The following PCDH7 variants were observed in gnomAD, a reference collection of about 807,000 sequenced individuals.
PCDH7 encodes the protein protocadherin-7.
Under a neutral mutation model 58.9 loss-of-function variants are expected in PCDH7, and 17 were observed. The observed-to-expected ratio is 0.29, with a 90% CI of 0.20 to 0.43. PCDH7 has a LOEUF of 0.43. Among genes scored for constraint, PCDH7 ranks in the 20% least tolerant of loss-of-function variants. PCDH7 has a pLI of 1.00. For missense variants in PCDH7, 1,274 were observed against 1,441.0 expected (o/e 0.88, Z 1.88); for synonymous variants, 664 against 616.4 (o/e 1.08, Z -1.14).
intron 1 of PCDH7, among the ~76,000 whole-genome samples, chr4:30,834,522 C>T (rs1560418169): frequency 6.6e-6 from 1 of 152,076 alleles, no homozygotes; most frequent in African/African-American, 2.4e-5. Flanking sequence ...GAGATAATGT[C>T]TTCTTAAATG....
intron 1 of PCDH7, among the ~76,000 whole-genome samples, chr4:30,824,091 CTTTCTTTCTT>C (rs1553894864): frequency 1.9e-5 from 1 of 52,964 alleles, no homozygotes; most frequent in Non-Finnish European, 3.7e-5. Context: ...TTCTTTCTTT[CTTTCTTTCTT>C]TCTTTCTTTC....
In PCDH7 at chr4:30,968,088, A is replaced by T. The variant is rs148965275; in HGVS notation, c.*7+17873A>T. Among the ~76,000 whole-genome samples the T allele has an allele frequency of 9.0e-3, 1,365 of 151,798 alleles. 21 individuals carry two copies. Among genetic ancestry groups the T allele is most frequent in the African/African-American group, 0.031 (1,302 of 41,350 alleles). On this transcript the variant is annotated intron_variant, in intron 3 of 3. Coordinates refer to the PCDH7 transcript ENST00000509759. ...CATTAAAAATATATCCCTAAAAACT[A>T]GGTCATAAACACAAGGACACTATGT...
chr4:30,894,809 C>A (rs1420722243), intron 1 of PCDH7, among the ~76,000 whole-genome samples: 1 of 150,234 alleles, frequency 6.7e-6, no homozygotes, highest in East Asian at 2.0e-4. Flanking sequence ...GCCCCTTCTG[C>A]TTGATTGCTG....
At chr4:30,948,487 T>C (rs1397861153) in intron 2 of PCDH7, among the ~76,000 whole-genome samples, 2 of 152,142 alleles carry the variant, frequency 1.3e-5, no homozygotes, top group Non-Finnish European at 2.9e-5. Context: ...TTTTCAACTT[T>C]ATTTTACTGA....
Position 30,938,177 on chromosome 4 carries a change from T to C in PCDH7, c.288-11943T>C, listed in dbSNP as rs1231668263. Among the ~76,000 whole-genome samples the C allele has an allele frequency of 2.0e-5, 3 of 152,106 alleles. No homozygotes were observed. The East Asian group carries it at 5.8e-4, about 29-fold the overall frequency. ...TTTCATTTTAGCAGCTTGAGAAATATTGCTCCACATTATTGCTCAGACACA... is the reference window on the plus strand; with the variant it reads ...TTTCATTTTAGCAGCTTGAGAAATACTGCTCCACATTATTGCTCAGACACA... On this transcript the variant is annotated intron_variant, in intron 2 of 3. Transcript: ENST00000509759.
intron 3 of PCDH7, among the ~76,000 whole-genome samples, chr4:31,063,489 G>A (rs73812508): frequency 0.088 from 13,318 of 151,178 alleles, 690 homozygotes; most frequent in South Asian, 0.18. Flanking sequence ...AATAAATAAT[G>A]GTAATTATTA....
At chr4:30,934,024 C>G (rs776277753) in intron 2 of PCDH7, among the ~76,000 whole-genome samples, 3 of 152,188 alleles carry the variant, frequency 2.0e-5, no homozygotes, top group Admixed American at 6.5e-5. Context: ...GCTTACTGCC[C>G]TTTATTCAGT....
intron 2 of PCDH7, among the ~76,000 whole-genome samples, chr4:30,922,947 C>T (rs1743373310): frequency 6.6e-6 from 1 of 152,114 alleles, no homozygotes; most frequent in Admixed American, 6.6e-5. Context: ...CTGGTAATTT[C>T]ATCTTCAGTA....
chr4:30,856,911 A>G (rs958063293), intron 1 of PCDH7, among the ~76,000 whole-genome samples: 2 of 151,924 alleles, frequency 1.3e-5, no homozygotes, highest in African/African-American at 2.4e-5. Context: ...GAACCCTTCA[A>G]ATAATTTTGG....
chr4:30,802,551 C>G (rs1205609262), intron 1 of PCDH7, among the ~76,000 whole-genome samples: 5 of 151,440 alleles, frequency 3.3e-5, no homozygotes. Context: ...GTCAGATGGA[C>G]AAAAGAATAA....
At chr4:31,121,643 A>G (rs1244359165) in intron 3 of PCDH7, among the ~76,000 whole-genome samples, 1 of 152,174 alleles carries the variant, frequency 6.6e-6, no homozygotes, top group Non-Finnish European at 1.5e-5. Flanking sequence ...GTATGTATAG[A>G]TAAGCACTCC....
At chr4:30,941,198 C>G (rs1745999471) in intron 2 of PCDH7, among the ~76,000 whole-genome samples, 1 of 151,864 alleles carries the variant, frequency 6.6e-6, no homozygotes, top group African/African-American at 2.4e-5. Flanking sequence ...TAACTAAGAA[C>G]AGTGTGCAAA....
At chr4:31,019,302 A>T (rs1429595752) in intron 3 of PCDH7, among the ~76,000 whole-genome samples, 1 of 152,228 alleles carries the variant, frequency 6.6e-6, no homozygotes, top group African/African-American at 2.4e-5. Context: ...CTTTTCAAAA[A>T]TTAAAAAGCA....
chr4:30,811,260 A>G (rs1409236974), intron 1 of PCDH7, among the ~76,000 whole-genome samples: 1 of 152,210 alleles, frequency 6.6e-6, no homozygotes, highest in African/African-American at 2.4e-5. Context: ...AATTGTATTC[A>G]GTGTGATTCA....
chr4:31,044,624 T>C (rs954726137), intron 3 of PCDH7, among the ~76,000 whole-genome samples: 6 of 152,044 alleles, frequency 3.9e-5, no homozygotes, highest in African/African-American at 7.2e-5. Context: ...GATAATACAT[T>C]ACTACCACAT....
At chr4:31,035,437 A>G (rs1367366053) in intron 3 of PCDH7, among the ~76,000 whole-genome samples, 1 of 151,978 alleles carries the variant, frequency 6.6e-6, no homozygotes, top group Non-Finnish European at 1.5e-5. Flanking sequence ...TATTTTTAGT[A>G]GAGACGAGGT....
chr4:31,072,214 A>C (rs1014742202), intron 3 of PCDH7, among the ~76,000 whole-genome samples: 3 of 152,118 alleles, frequency 2.0e-5, no homozygotes, highest in African/African-American at 7.2e-5. Flanking sequence ...ATAATATGTT[A>C]AATCTTTTTT....
chr4:31,077,633 A>T (rs1003476987), intron 3 of PCDH7, among the ~76,000 whole-genome samples: 5 of 152,086 alleles, frequency 3.3e-5, no homozygotes, highest in Admixed American at 6.6e-5. Context: ...TAGGATGGAA[A>T]GGGAGGTATG....
chr4:30,921,544 A>G (rs976864111), intron 2 of PCDH7, among the ~76,000 whole-genome samples: 1 of 152,100 alleles, frequency 6.6e-6, no homozygotes, highest in Non-Finnish European at 1.5e-5. Context: ...ATGCTAAATA[A>G]TTATTTATCC....
Sources: gnomAD v4.1 joint callset for allele counts (sites outside exome capture counted in the v4.1 genomes callset) on GRCh38, gnomAD v4.1.1 for gene constraint, MANE v1.5 for transcripts, NCBI Gene and HGNC (gene_info 2026-07-23, HGNC 2026-07-21) for gene names.